SLC26A8: variants seen among roughly 807,000 people sequenced by gnomAD.
The protein encoded by SLC26A8 is solute carrier family 26 member 8.
SLC26A8 carries 70 observed loss-of-function variants against 105.0 expected under a neutral mutation model. That is an observed-to-expected ratio of 0.67 (90% confidence interval 0.55 to 0.81). The LOEUF is 0.81. Among genes scored for constraint, SLC26A8 ranks in the 40% least tolerant of loss-of-function variants. The pLI, the probability that SLC26A8 is intolerant of heterozygous loss-of-function variation, is 0.00. For missense variants in SLC26A8, 998 were observed against 1,181.8 expected (o/e 0.84, Z 2.28); for synonymous variants, 415 against 438.3 (o/e 0.95, Z 0.66).
chr6:35,951,419 C>A (rs776727865), intron 18 of SLC26A8, 26 bp downstream of exon 18: 2 of 1,614,002 alleles, frequency 1.2e-6, no homozygotes, highest in African/African-American at 1.3e-5. Context: ...GCAAAACAGC[C>A]CTCTCATAGG....
At chr6:36,012,119 A>C (rs1055162944) in intron 3 of SLC26A8, 114 bp downstream of exon 3, 15 of 1,403,016 alleles carry the variant, frequency 1.1e-5, no homozygotes, top group Non-Finnish European at 1.1e-5. Flanking sequence ...AATGCTGTGA[A>C]TAAAATTCAA....
chr6:35,960,222 A>G (rs9470181), intron 14 of SLC26A8: 3,313 of 157,818 alleles, frequency 0.021, 121 homozygotes, highest in African/African-American at 0.075. Flanking sequence ...CTAGAAAATT[A>G]TTTCCTCCCA....
chr6:36,023,278 G>C lies in SLC26A8; in HGVS notation c.-3+1226C>G, dbSNP rs143748996. Among the ~76,000 whole-genome samples the C allele has an allele frequency of 6.5e-4, 99 of 152,124 alleles. 1 individual carries two copies. In the East Asian group the frequency reaches 0.016, roughly 25 times the overall value. On this transcript the variant is annotated intron_variant, in intron 1 of 19. Transcript: ENST00000490799. ...TAAAGAATAGGCCAGACATGGCTCA[G>C]TGGCTCATGCCTGTAATCCCAGCAC...
intron 3 of SLC26A8, among the ~76,000 whole-genome samples, chr6:36,009,766 C>T (rs1419493370): frequency 1.3e-5 from 2 of 152,188 alleles, no homozygotes; most frequent in Non-Finnish European, 2.9e-5. Flanking sequence ...TGAAAGTGTT[C>T]TCTATCTTGA....
At chr6:35,967,964 C>T (rs1772585150) in intron 11 of SLC26A8, among the ~76,000 whole-genome samples, 1 of 152,174 alleles carries the variant, frequency 6.6e-6, no homozygotes, top group South Asian at 2.1e-4. Context: ...TCTCCTGCCT[C>T]AGCCTCCAGA....
intron 19 of SLC26A8, 72 bp downstream of exon 19, chr6:35,951,091 A>AACCC: frequency 8.0e-7 from 1 of 1,256,380 alleles, no homozygotes. Context: ...CCAGCCCCCA[A>AACCC]CCACCCCTCA....
chr6:36,007,851 T>G (rs969748866), intron 3 of SLC26A8, among the ~76,000 whole-genome samples: 2 of 152,158 alleles, frequency 1.3e-5, no homozygotes, highest in African/African-American at 4.8e-5. Flanking sequence ...CTGGGCGCGG[T>G]GGCTCACGCT....
rs1211622635 is a variant in SLC26A8, at chr6:35,990,248, G to A, written c.942+1411C>T. The A allele has an allele frequency of 4.0e-5, 8 of 198,638 alleles. No individual in the cohort carries two copies. In the South Asian group the frequency reaches 4.1e-4, roughly 10 times the overall value. The allele number at this position is 198,638 out of a possible 1,614,324, so 12.3% of individuals were successfully genotyped here. A position where few individuals can be genotyped will look rare whatever the true frequency, so the allele number is the denominator to read the frequency against. On this transcript the variant is annotated intron_variant, in intron 7 of 19. Coordinates refer to ENST00000490799, the MANE Select transcript of SLC26A8 (RefSeq NM_052961.4). ...CACCGCACCTGGCCTCTGCTCTGTGGTTCTTGAGCCAAACCTGTACTGTTG... is the reference window on the plus strand; with the variant it reads ...CACCGCACCTGGCCTCTGCTCTGTGATTCTTGAGCCAAACCTGTACTGTTG...
At chr6:36,020,009 T>C (rs934492950) in intron 1 of SLC26A8, among the ~76,000 whole-genome samples, 2 of 152,210 alleles carry the variant, frequency 1.3e-5, no homozygotes, top group Non-Finnish European at 2.9e-5. Context: ...AGTTGTGTTA[T>C]GTTGTAGGAA....
chr6:35,961,648 C>T (rs1224625858), intron 12 of SLC26A8, among the ~76,000 whole-genome samples: 1 of 152,198 alleles, frequency 6.6e-6, no homozygotes, highest in Non-Finnish European at 1.5e-5. Flanking sequence ...GTTATGCCTC[C>T]TCCTGGAATA....
intron 2 of SLC26A8, among the ~76,000 whole-genome samples, chr6:36,013,290 G>A (rs189762135): frequency 2.0e-5 from 3 of 151,400 alleles, no homozygotes; most frequent in South Asian, 2.1e-4. Context: ...TCTGCCTCCC[G>A]GGTTCAAGCA....
chr6:36,015,200 C>T (rs375765984), intron 2 of SLC26A8, among the ~76,000 whole-genome samples: 1 of 151,548 alleles, frequency 6.6e-6, no homozygotes, highest in South Asian at 2.1e-4. Context: ...CTTTGCATTC[C>T]GGTCCTGGTT....
At chr6:35,999,008 C>T (rs951808470) in intron 4 of SLC26A8, among the ~76,000 whole-genome samples, 1 of 150,614 alleles carries the variant, frequency 6.6e-6, no homozygotes, top group African/African-American at 2.5e-5. Flanking sequence ...AATTCTCCTG[C>T]CTCAGCCTCC....
At chr6:35,951,631 T>C (rs1771876987) in intron 17 of SLC26A8, 132 bp from the exon 18 acceptor site, 2 of 883,838 alleles carry the variant, frequency 2.3e-6, no homozygotes, top group Non-Finnish European at 3.6e-6. Context: ...CCAGATGGAG[T>C]GCAGTGGCAT....
chr6:36,006,911 CA>C (rs1011683574), intron 3 of SLC26A8, among the ~76,000 whole-genome samples: 13 of 151,994 alleles, frequency 8.6e-5, no homozygotes, highest in Middle Eastern at 3.4e-3. Flanking sequence ...TCAATAGATG[CA>C]AAAAAAATTT....
At chr6:35,959,407 T>TC in intron 16 of SLC26A8, 53 bp downstream of exon 16, 1 of 1,552,374 alleles carries the variant, frequency 6.4e-7, no homozygotes, top group Non-Finnish European at 8.7e-7. Flanking sequence ...ATGACTAGTG[T>TC]ACTTGTTTAT....
chr6:35,952,770 C>T (rs986124121), intron 17 of SLC26A8, among the ~76,000 whole-genome samples: 1 of 151,974 alleles, frequency 6.6e-6, no homozygotes, highest in Non-Finnish European at 1.5e-5. Flanking sequence ...AATCCCAGCA[C>T]TTTGGGAGGC....
chr6:36,019,359 G>T (rs1303149830), intron 2 of SLC26A8, among the ~76,000 whole-genome samples, 161 bp downstream of exon 2: 2 of 152,204 alleles, frequency 1.3e-5, no homozygotes, highest in Non-Finnish European at 2.9e-5. Flanking sequence ...AAAAGGTACT[G>T]CAAGACAAAC....
intron 3 of SLC26A8, among the ~76,000 whole-genome samples, chr6:36,011,968 G>C (rs1761870939): frequency 6.6e-6 from 1 of 152,112 alleles, no homozygotes; most frequent in Non-Finnish European, 1.5e-5. Context: ...CCATAAGCAT[G>C]AAATAACTAG....
Sources: gnomAD v4.1 joint callset for allele counts (sites outside exome capture counted in the v4.1 genomes callset) on GRCh38, gnomAD v4.1.1 for gene constraint, MANE v1.5 for transcripts, NCBI Gene and HGNC (gene_info 2026-07-23, HGNC 2026-07-21) for gene names.